The following MGAT4C variants were observed in gnomAD, a reference collection of about 807,000 sequenced individuals.
MGAT4C encodes the protein MGAT4 family member C.
Under a neutral mutation model 40.1 loss-of-function variants are expected in MGAT4C, and 19 were observed. The ratio of observed to expected loss-of-function variants is 0.47; its 90% confidence interval spans 0.33 to 0.70. The LOEUF is 0.70. Among genes scored for constraint, MGAT4C ranks in the 30% least tolerant of loss-of-function variants. The probability of loss-of-function intolerance (pLI) is 0.02; values close to 1 mark genes in which losing one functional copy is unlikely to be tolerated. For missense variants in MGAT4C, 491 were observed against 563.2 expected (o/e 0.87, Z 1.30); for synonymous variants, 181 against 187.1 (o/e 0.97, Z 0.27).
At chr12:86,356,683 C>A (rs531056861) in intron 3 of MGAT4C, among the ~76,000 whole-genome samples, 25 of 152,324 alleles carry the variant, frequency 1.6e-4, no homozygotes, top group African/African-American at 2.4e-4. Context: ...TATCCCGCGT[C>A]TGGCTCAGAG....
chr12:86,233,364 T>C (rs1404243511), intron 1 of MGAT4C, among the ~76,000 whole-genome samples: 1 of 152,118 alleles, frequency 6.6e-6, no homozygotes, highest in Non-Finnish European at 1.5e-5. Context: ...TCAAAACCAA[T>C]ATTATAGGCT....
intron 2 of MGAT4C, among the ~76,000 whole-genome samples, chr12:86,535,641 C>T (rs1959055856): frequency 6.6e-6 from 1 of 151,990 alleles, no homozygotes; most frequent in Non-Finnish European, 1.5e-5. Context: ...GAGAAACCTC[C>T]TTCAACAGGA....
intron 2 of MGAT4C, among the ~76,000 whole-genome samples, chr12:86,620,962 G>T (rs138480026): frequency 6.6e-6 from 1 of 152,098 alleles, no homozygotes; most frequent in East Asian, 1.9e-4. Context: ...GCAAAAGCCT[G>T]TACAGACTGC....
chr12:86,708,395 C>A (rs949950971), intron 2 of MGAT4C, among the ~76,000 whole-genome samples: 1 of 152,304 alleles, frequency 6.6e-6, no homozygotes, highest in Non-Finnish European at 1.5e-5. Flanking sequence ...CAGAAGTTTG[C>A]TGCAAGGGTG....
At chr12:86,705,216 CTCTA>C (rs36154098) in intron 2 of MGAT4C, among the ~76,000 whole-genome samples, 80,191 of 147,476 alleles carry the variant, frequency 0.54, 21,837 homozygotes, top group East Asian at 0.59. Flanking sequence ...TGTCTATTAT[CTCTA>C]TCTATCTATC....
At chr12:86,692,374 A>G (rs2136599869) in intron 2 of MGAT4C, among the ~76,000 whole-genome samples, 1 of 152,314 alleles carries the variant, frequency 6.6e-6, no homozygotes, top group South Asian at 2.1e-4. Flanking sequence ...AAAACCACCA[A>G]CTACTTAGAA....
chr12:86,289,903 G>A (rs1247635456), intron 4 of MGAT4C, among the ~76,000 whole-genome samples: 1 of 152,074 alleles, frequency 6.6e-6, no homozygotes, highest in African/African-American at 2.4e-5. Flanking sequence ...CATATAGAAA[G>A]TTAATAAAAT....
At chr12:86,743,833 T>C (rs1951111435) in intron 1 of MGAT4C, among the ~76,000 whole-genome samples, 1 of 151,664 alleles carries the variant, frequency 6.6e-6, no homozygotes, top group Admixed American at 6.6e-5. Context: ...ACTTTTATTT[T>C]TCACAGTTAA....
At chr12:86,694,634 C>A (rs535539197) in intron 2 of MGAT4C, among the ~76,000 whole-genome samples, 8 of 151,980 alleles carry the variant, frequency 5.3e-5, no homozygotes, top group Admixed American at 3.9e-4. Context: ...TAGAAGTGAC[C>A]GCAATCTTCT....
intron 3 of MGAT4C, among the ~76,000 whole-genome samples, chr12:86,358,132 C>A (rs1263767615): frequency 2.6e-5 from 4 of 152,312 alleles, no homozygotes; most frequent in Admixed American, 6.5e-5. Context: ...GCTGATCTCT[C>A]AGCAGAAACT....
intron 2 of MGAT4C, among the ~76,000 whole-genome samples, chr12:86,566,213 T>C (rs1448235591): frequency 3.9e-5 from 6 of 151,992 alleles, no homozygotes; most frequent in Non-Finnish European, 5.9e-5. Context: ...GTGTCTGTGA[T>C]GGTGTTGCCA....
At chr12:86,704,850 C>T (rs755476657) in intron 2 of MGAT4C, among the ~76,000 whole-genome samples, 2 of 152,132 alleles carry the variant, frequency 1.3e-5, no homozygotes, top group Non-Finnish European at 2.9e-5. Context: ...CACACACCTG[C>T]AATGCCAACC....
At chr12:86,082,961 T>C (rs1871115210) in intron 1 of MGAT4C, among the ~76,000 whole-genome samples, 1 of 152,096 alleles carries the variant, frequency 6.6e-6, no homozygotes, top group Non-Finnish European at 1.5e-5. Context: ...ATATCTATAA[T>C]CACATACAAC....
At chr12:86,390,145 T>C (rs574767472) in intron 3 of MGAT4C, among the ~76,000 whole-genome samples, 130 of 152,296 alleles carry the variant, frequency 8.5e-4, no homozygotes, top group African/African-American at 3.1e-3. Context: ...GGGGAAACAC[T>C]AAGCTGATTC....
intron 1 of MGAT4C, among the ~76,000 whole-genome samples, chr12:86,086,238 A>G (rs1871819934): frequency 6.6e-6 from 1 of 152,130 alleles, no homozygotes; most frequent in African/African-American, 2.4e-5. Flanking sequence ...TGTCTTTTGC[A>G]AGGACATGGA....
At chr12:86,399,373 C>G (rs1316687264) in intron 3 of MGAT4C, among the ~76,000 whole-genome samples, 2 of 151,834 alleles carry the variant, frequency 1.3e-5, no homozygotes, top group African/African-American at 2.4e-5. Context: ...CCTCCGCCTC[C>G]TGGGTTCATG....
At chr12:86,123,613 GAC>G (rs1350668715) in intron 1 of MGAT4C, among the ~76,000 whole-genome samples, 2 of 151,996 alleles carry the variant, frequency 1.3e-5, no homozygotes, top group African/African-American at 4.8e-5. Context: ...ACTGTTTTAA[GAC>G]ATTTCATGAA....
chr12:86,533,669 A>C (rs1490505912), intron 2 of MGAT4C, among the ~76,000 whole-genome samples: 2 of 151,508 alleles, frequency 1.3e-5, no homozygotes, highest in East Asian at 3.9e-4. Flanking sequence ...ACATTAATTA[A>C]ATTACATAAT....
At chr12:86,324,363 C>T (rs1185437183) in intron 4 of MGAT4C, among the ~76,000 whole-genome samples, 3 of 151,752 alleles carry the variant, frequency 2.0e-5, no homozygotes, top group Non-Finnish European at 4.4e-5. Flanking sequence ...ACATAATTTC[C>T]ATATTCTTAC....
Sources: gnomAD v4.1 joint callset for allele counts (sites outside exome capture counted in the v4.1 genomes callset) on GRCh38, gnomAD v4.1.1 for gene constraint, MANE v1.5 for transcripts, NCBI Gene and HGNC (gene_info 2026-07-23, HGNC 2026-07-21) for gene names.